The following NDEL1 variants were observed in gnomAD, a reference collection of about 807,000 sequenced individuals.
The protein encoded by NDEL1 is nuclear distribution protein nudE-like 1.
Under a neutral mutation model 45.7 loss-of-function variants are expected in NDEL1, and 9 were observed. The observed-to-expected ratio is 0.20, with a 90% CI of 0.12 to 0.34. NDEL1 has a LOEUF of 0.34. NDEL1 is among the 10% of genes least tolerant of loss of function. The pLI is 1.00. For missense variants in NDEL1, 306 were observed against 406.2 expected (o/e 0.75, Z 2.12); for synonymous variants, 133 against 158.6 (o/e 0.84, Z 1.21).
At position 8,454,840 on chromosome 17, in the gene NDEL1, A is replaced by G; in HGVS notation, c.745A>G (p.Arg249Gly). ...TACCAGTCCACTAACTCCCTCTGCT[A>G]GGATATCAGCACTAAACATCGTGGG... ...FGTSPLTPSA[R>G]ISALNIVGDL... The change falls in exon 7 of 9, where the codon AGG becomes GGG. Residue 249 changes from arginine (R) to glycine (G), a missense_variant. Physicochemically the swap from Arg to Gly is moderately radical, Grantham distance 125. Coordinates refer to ENST00000334527, the MANE Select transcript of NDEL1 (RefSeq NM_030808.5). 1 of 1,614,108 alleles carries G rather than the reference A, an allele frequency of 6.2e-7. No homozygotes were observed. The highest frequency in any genetic ancestry group is 8.5e-7 in the Non-Finnish European group (1 of 1,179,982).
At chr17:8,468,379 A>G (rs994085011), downstream of NDEL1, among the ~76,000 whole-genome samples, 3 of 152,208 alleles carry the variant, frequency 2.0e-5, no homozygotes, top group Non-Finnish European at 4.4e-5. Context: ...TTCCAGGAGC[A>G]GTTTGAGAAT....
In NDEL1 at chr17:8,450,922, A is replaced by G; in HGVS notation, c.669A>G (p.Lys223=). The change falls in exon 6 of 9, where the codon AAA becomes AAG. Residue 223 remains lysine (K), a synonymous_variant. Coordinates refer to ENST00000334527, the MANE Select transcript of NDEL1 (RefSeq NM_030808.5). ...CTTTGCCAGCTACCCCTGTTGGCAAAGGAACGGAGAACACTTTTCCTTCAC... is the reference window on the plus strand; with the variant it reads ...CTTTGCCAGCTACCCCTGTTGGCAAGGGAACGGAGAACACTTTTCCTTCAC... ...SLSLPATPVG[K]GTENTFPSPK... 6.2e-7 allele frequency: 1 copy of G among 1,610,474 alleles called. No homozygotes were observed. The highest frequency in any genetic ancestry group is 8.5e-7 in the Non-Finnish European group (1 of 1,178,846).
chr17:8,469,515 G>A (rs950786814), downstream of NDEL1, among the ~76,000 whole-genome samples: 4 of 152,148 alleles, frequency 2.6e-5, no homozygotes, highest in African/African-American at 7.2e-5. Flanking sequence ...AGGGGCCCAC[G>A]TGTCATCCAC....
intron 1 of NDEL1, among the ~76,000 whole-genome samples, chr17:8,418,399 A>C (rs1479482499): frequency 3.3e-5 from 5 of 152,158 alleles, no homozygotes; most frequent in African/African-American, 9.7e-5. Flanking sequence ...ATTTGTCTTA[A>C]ATTTTGCTAA....
upstream of NDEL1, among the ~76,000 whole-genome samples, chr17:8,432,387 T>A (rs11078748): frequency 0.93 from 121,609 of 130,544 alleles, 57,501 homozygotes; most frequent in East Asian, 1. Context: ...GGCAGGCCAA[T>A]ATATATATAT....
intron 1 of NDEL1, among the ~76,000 whole-genome samples, chr17:8,442,122 G>T (rs1909775485): frequency 6.6e-6 from 1 of 152,056 alleles, no homozygotes; most frequent in Non-Finnish European, 1.5e-5. Flanking sequence ...TATCTCTAAG[G>T]TTCTTCCCAA....
chr17:8,413,567 A>AT (rs1390084746), intron 1 of NDEL1, among the ~76,000 whole-genome samples: 1 of 151,978 alleles, frequency 6.6e-6, no homozygotes, highest in African/African-American at 2.4e-5. Flanking sequence ...CCCACATAGC[A>AT]TTTTTCTGGG....
upstream of NDEL1, among the ~76,000 whole-genome samples, chr17:8,433,680 CA>C (rs1441882154): frequency 1.3e-5 from 2 of 152,136 alleles, no homozygotes; most frequent in Non-Finnish European, 2.9e-5. Context: ...TTGGTGCAAA[CA>C]TTTATTTTAT....
chr17:8,432,944 A>C (rs886474039), upstream of NDEL1, among the ~76,000 whole-genome samples: 1 of 152,190 alleles, frequency 6.6e-6, no homozygotes, highest in Non-Finnish European at 1.5e-5. Context: ...CCAGAAAGCA[A>C]AATGCCTAGA....
intron 1 of NDEL1, among the ~76,000 whole-genome samples, chr17:8,438,467 T>C (rs780773174): frequency 3.9e-5 from 6 of 152,224 alleles, no homozygotes; most frequent in Non-Finnish European, 7.3e-5. Context: ...AACTGTCGTT[T>C]GAGTATCTGC....
chr17:8,456,901 CTGTT>C (rs1910884162), intron 7 of NDEL1, among the ~76,000 whole-genome samples: 1 of 152,202 alleles, frequency 6.6e-6, no homozygotes, highest in African/African-American at 2.4e-5. Flanking sequence ...TGTGAGCTCT[CTGTT>C]GGTTGGTTCT....
intron 8 of NDEL1, chr17:8,463,229 C>A: frequency 1.1e-6 from 1 of 926,076 alleles, no homozygotes; most frequent in Non-Finnish European, 1.7e-6. Flanking sequence ...TTCTTTTGGG[C>A]TGTGTGTAGG....
chr17:8,430,690 C>A (rs1229851719), intron 1 of NDEL1, among the ~76,000 whole-genome samples: 1 of 152,222 alleles, frequency 6.6e-6, no homozygotes, highest in African/African-American at 2.4e-5. Flanking sequence ...CCTCGGCAAA[C>A]CCCTTCCTAA....
intron 8 of NDEL1, among the ~76,000 whole-genome samples, chr17:8,462,196 A>G (rs1421834946): frequency 6.6e-6 from 1 of 151,524 alleles, no homozygotes; most frequent in Non-Finnish European, 1.5e-5. Context: ...TCCCAATCGG[A>G]ACAGTTGCAG....
At chr17:8,419,056 C>T (rs1908641587) in intron 1 of NDEL1, among the ~76,000 whole-genome samples, 1 of 151,938 alleles carries the variant, frequency 6.6e-6, no homozygotes, top group Non-Finnish European at 1.5e-5. Flanking sequence ...TGCCATGTTG[C>T]CCTGGATGAT....
intron 8 of NDEL1, chr17:8,464,368 C>T (rs967886190): frequency 1.3e-5 from 2 of 152,306 alleles, no homozygotes; most frequent in African/African-American, 4.8e-5. Flanking sequence ...CTCCCTGAAA[C>T]TGAATCTGTT....
Position 8,420,451 on chromosome 17 carries a change from T to C in NDEL1, c.-13+7182T>C, listed in dbSNP as rs1014839344. Among the ~76,000 whole-genome samples, 4 of 152,346 alleles carry C rather than the reference T, an allele frequency of 2.6e-5. No homozygotes were observed. In the South Asian group the frequency reaches 8.3e-4, roughly 32 times the overall value. On this transcript the variant is annotated intron_variant, in intron 1 of 4. Transcript: ENST00000582812. Reference sequence around the variant, plus strand: ...AGGACAATTACATCATCCCACACTCTGTGTACAGAAAGGACTCTTGGCTTC... The same window carrying C: ...AGGACAATTACATCATCCCACACTCCGTGTACAGAAAGGACTCTTGGCTTC...
chr17:8,458,170 GTT>G (rs1056220651), intron 7 of NDEL1, among the ~76,000 whole-genome samples: 1 of 143,454 alleles, frequency 7.0e-6, no homozygotes, highest in African/African-American at 2.6e-5. Context: ...AACACTGACC[GTT>G]TTTTTTTTTT....
At chr17:8,420,530 AC>A (rs1908682378) in intron 1 of NDEL1, among the ~76,000 whole-genome samples, 1 of 152,222 alleles carries the variant, frequency 6.6e-6, no homozygotes, top group Admixed American at 6.5e-5. Flanking sequence ...CAAAGGGCAA[AC>A]TACAAAGTCA....
Sources: gnomAD v4.1 joint callset for allele counts (sites outside exome capture counted in the v4.1 genomes callset) on GRCh38, gnomAD v4.1.1 for gene constraint, MANE v1.5 for transcripts, NCBI Gene and HGNC (gene_info 2026-07-23, HGNC 2026-07-21) for gene names.